OR3A2: variants seen among roughly 807,000 people sequenced by gnomAD.
OR3A2 encodes the protein olfactory receptor family 3 subfamily A member 2, also known as olfactory receptor 3A2.
For synonymous variants in OR3A2, 126 were observed against 159.3 expected (o/e 0.79, Z 1.57); for missense variants, 318 against 392.8 (o/e 0.81, Z 1.61).
At chr17:3,364,293 GATCAA>G (rs2049544709) in intron 2 of OR3A2, among the ~76,000 whole-genome samples, 1 of 152,136 alleles carries the variant, frequency 6.6e-6, no homozygotes, top group African/African-American at 2.4e-5. Flanking sequence ...ATTATGGAAT[GATCAA>G]ATCAGGCTAG....
intron 2 of OR3A2, among the ~76,000 whole-genome samples, chr17:3,369,768 CTCTTTA>C (rs1421229669): frequency 6.8e-6 from 1 of 146,470 alleles, no homozygotes; most frequent in African/African-American, 2.5e-5. Context: ...GGAAGATTTC[CTCTTTA>C]TCTTTTTGAA....
chr17:3,348,068 CT>C (rs1356638397), intron 2 of OR3A2, among the ~76,000 whole-genome samples: 2 of 152,100 alleles, frequency 1.3e-5, no homozygotes, highest in African/African-American at 4.8e-5. Flanking sequence ...TGTTCACGTC[CT>C]TTGCCCACTT....
chr17:3,318,948 T>C (rs2049097848), intron 3 of OR3A2, among the ~76,000 whole-genome samples: 1 of 144,696 alleles, frequency 6.9e-6, no homozygotes, highest in South Asian at 2.1e-4. Context: ...TAGTTTTACT[T>C]TGCATTTTTT....
chr17:3,382,223 A>C (rs1368828462), intron 2 of OR3A2, among the ~76,000 whole-genome samples: 2 of 152,096 alleles, frequency 1.3e-5, no homozygotes, highest in Non-Finnish European at 1.5e-5. Context: ...AGCCACCGGC[A>C]CTCTATCTAA....
intron 3 of OR3A2, among the ~76,000 whole-genome samples, chr17:3,331,002 G>A (rs1048283188): frequency 1.1e-4 from 16 of 152,014 alleles, no homozygotes; most frequent in African/African-American, 3.4e-4. Flanking sequence ...GAAATTCTGG[G>A]TTGAAAATTC....
At chr17:3,328,860 T>A (rs1266100392) in intron 3 of OR3A2, among the ~76,000 whole-genome samples, 1 of 150,214 alleles carries the variant, frequency 6.7e-6, no homozygotes, top group Non-Finnish European at 1.5e-5. Flanking sequence ...TGGATTACAT[T>A]TATTGATTTG....
chr17:3,315,869 T>C (rs531760507), intron 3 of OR3A2, among the ~76,000 whole-genome samples: 19 of 152,058 alleles, frequency 1.2e-4, no homozygotes, highest in African/African-American at 4.3e-4. Context: ...TTGTCCCATC[T>C]ATCCAACACA....
intron 1 of OR3A2, among the ~76,000 whole-genome samples, chr17:3,385,051 G>A (rs528023751): frequency 3.5e-4 from 54 of 152,192 alleles, no homozygotes; most frequent in African/African-American, 1.2e-3. Context: ...AAAATTAGCC[G>A]GGCGTGGTGG....
At chr17:3,309,222 G>A (rs1422408689) in intron 3 of OR3A2, among the ~76,000 whole-genome samples, 1 of 152,122 alleles carries the variant, frequency 6.6e-6, no homozygotes, top group Non-Finnish European at 1.5e-5. Flanking sequence ...TTTATTAGCA[G>A]TGATTAGGGC....
rs375074061 is a variant in OR3A2, at chr17:3,278,658, C to T, written c.260G>A (p.Arg87His). The T allele has an allele frequency of 8.2e-5, 118 of 1,441,436 alleles. No individual in the cohort carries two copies. Among genetic ancestry groups the T allele is most frequent in the Admixed American group, 5.2e-4 (28 of 53,674 alleles). 89.3% of individuals were successfully genotyped at this position (1,441,436 alleles called of 1,614,324 possible). Residue 87 changes from arginine to histidine, a missense_variant, in exon 2 of 2, where the codon CGT becomes CAT. Transcript: ENST00000642052. ...AATTGTGGACTTGTGGGACAAGAGA[C>T]GACCCAACATTGCAGGAACAGTGAC...
chr17:3,289,735 T>TG (rs2048847740), intron 3 of OR3A2, among the ~76,000 whole-genome samples: 1 of 152,142 alleles, frequency 6.6e-6, no homozygotes, highest in South Asian at 2.1e-4. Context: ...CTCATCAACT[T>TG]ATTCAAGGTC....
At chr17:3,364,446 C>A (rs1369906649) in intron 2 of OR3A2, among the ~76,000 whole-genome samples, 1 of 152,084 alleles carries the variant, frequency 6.6e-6, no homozygotes, top group African/African-American at 2.4e-5. Flanking sequence ...AGAACTTATT[C>A]CTCCTAACTG....
intron 2 of OR3A2, among the ~76,000 whole-genome samples, chr17:3,368,951 C>A (rs1047468400): frequency 1.3e-5 from 2 of 152,130 alleles, no homozygotes; most frequent in East Asian, 3.8e-4. Context: ...GATCTTTCAT[C>A]TCCTTGGTTA....
chr17:3,330,284 G>A (rs958593625), intron 3 of OR3A2, among the ~76,000 whole-genome samples: 21 of 151,008 alleles, frequency 1.4e-4, no homozygotes, highest in African/African-American at 3.4e-4. Flanking sequence ...TTTCTGTCTC[G>A]TTGATCTGTC....
chr17:3,283,758 C>G (rs1017980216), intron 1 of OR3A2, among the ~76,000 whole-genome samples: 14 of 151,878 alleles, frequency 9.2e-5, no homozygotes, highest in African/African-American at 3.4e-4. Flanking sequence ...TTAAACCTCC[C>G]AAAACAATAC....
chr17:3,299,820 T>C (rs1431918878), intron 3 of OR3A2, among the ~76,000 whole-genome samples: 1 of 152,204 alleles, frequency 6.6e-6, no homozygotes, highest in Non-Finnish European at 1.5e-5. Flanking sequence ...AAAAACAGAA[T>C]AATATTTCCA....
At chr17:3,373,419 C>T (rs1223235982) in intron 2 of OR3A2, among the ~76,000 whole-genome samples, 1 of 152,044 alleles carries the variant, frequency 6.6e-6, no homozygotes. Context: ...ACTGTATTGC[C>T]ATCTATCTCA....
intron 3 of OR3A2, among the ~76,000 whole-genome samples, chr17:3,325,944 C>T (rs2049167983): frequency 6.6e-6 from 1 of 152,000 alleles, no homozygotes. Context: ...TCTCCCTTCC[C>T]CTACTCCCCC....
intron 1 of OR3A2, among the ~76,000 whole-genome samples, chr17:3,280,969 A>C (rs1014271910): frequency 2.6e-5 from 4 of 152,200 alleles, no homozygotes; most frequent in African/African-American, 9.7e-5. Flanking sequence ...ATGAGAAGCC[A>C]TCCGGGCAGG....
Sources: gnomAD v4.1 joint callset for allele counts (sites outside exome capture counted in the v4.1 genomes callset) on GRCh38, gnomAD v4.1.1 for gene constraint, MANE v1.5 for transcripts, NCBI Gene and HGNC (gene_info 2026-07-23, HGNC 2026-07-21) for gene names.